The following QRICH1 variants were observed in gnomAD, a reference collection of about 807,000 sequenced individuals.
QRICH1 encodes transcriptional regulator QRICH1.
QRICH1 carries 16 observed loss-of-function variants against 87.1 expected under a neutral mutation model. The observed-to-expected ratio is 0.18, with a 90% CI of 0.12 to 0.28. The LOEUF (loss-of-function observed/expected upper bound fraction) is 0.28. Ranked by LOEUF, QRICH1 falls within the 10% of genes least tolerant of loss-of-function variation. QRICH1 has a pLI of 1.00. For synonymous variants in QRICH1, 367 were observed against 368.4 expected (o/e 1.00, Z 0.05); for missense variants, 647 against 951.7 (o/e 0.68, Z 4.21).
chr3:49,030,716 C>CA, intron 9 of QRICH1, 72 bp from the exon 10 acceptor site: 1 of 1,323,926 alleles, frequency 7.6e-7, no homozygotes, highest in South Asian at 1.5e-5. Flanking sequence ...ACTTCCCAGA[C>CA]AGATGCTGTC....
chr3:49,087,583 A>G (rs2107040316), intron 1 of QRICH1, among the ~76,000 whole-genome samples: 1 of 151,598 alleles, frequency 6.6e-6, no homozygotes, highest in South Asian at 2.1e-4. Flanking sequence ...AAAAATAAAA[A>G]TAAAAAAATA....
chr3:49,056,805 G>A (rs926055112), intron 3 of QRICH1, 57 bp downstream of exon 3: 1 of 1,612,822 alleles, frequency 6.2e-7, no homozygotes, highest in Non-Finnish European at 8.5e-7. Flanking sequence ...CAAGCTCTGT[G>A]CTGCACTGGG....
At chr3:49,032,844 C>G in intron 7 of QRICH1, 71 bp from the exon 8 acceptor site, 1 of 1,507,774 alleles carries the variant, frequency 6.6e-7, no homozygotes, top group African/African-American at 1.4e-5. Flanking sequence ...CCTCTGCCCA[C>G]TGGTGCTTCA....
At chr3:49,090,286 C>G (rs1225869533) in intron 1 of QRICH1, among the ~76,000 whole-genome samples, 1 of 152,144 alleles carries the variant, frequency 6.6e-6, no homozygotes, top group African/African-American at 2.4e-5. Context: ...GGTGAAACCC[C>G]GTCTCTACTA....
intron 2 of QRICH1, among the ~76,000 whole-genome samples, chr3:49,064,411 TTTTG>T (rs1274984725): frequency 3.3e-5 from 5 of 151,918 alleles, no homozygotes; most frequent in South Asian, 2.1e-4. Flanking sequence ...CTGGCTGTTT[TTTTG>T]TTTGTTTTTG....
chr3:49,032,931 G>T, intron 7 of QRICH1, 158 bp from the exon 8 acceptor site: 2 of 1,010,032 alleles, frequency 2.0e-6, no homozygotes, highest in Non-Finnish European at 2.8e-6. Context: ...ACCACATCAA[G>T]ATGGATGGTA....
intron 1 of QRICH1, among the ~76,000 whole-genome samples, chr3:49,089,896 T>C (rs780840332): frequency 3.3e-5 from 5 of 152,254 alleles, no homozygotes; most frequent in Non-Finnish European, 5.9e-5. Flanking sequence ...TCAGAGATAC[T>C]GGCATCGTTT....
chr3:49,038,698 T>C (rs942590615), intron 6 of QRICH1, among the ~76,000 whole-genome samples: 1 of 152,208 alleles, frequency 6.6e-6, no homozygotes, highest in Non-Finnish European at 1.5e-5. Flanking sequence ...AATTCAGGCG[T>C]GAGCCACTGT....
At chr3:49,033,345 C>G in intron 6 of QRICH1, 117 bp from the exon 7 acceptor site, 2 of 548,302 alleles carry the variant, frequency 3.6e-6, no homozygotes, top group Non-Finnish European at 5.8e-6. Flanking sequence ...TCAGGGGACT[C>G]TCCCTAAAGT....
rs2093449993 is a variant in QRICH1, at chr3:49,063,861, A to G, written c.310-5971T>C. Among the ~76,000 whole-genome samples, 5 of 152,342 alleles carry G rather than the reference A, an allele frequency of 3.3e-5. No individual in the cohort carries two copies. The South Asian group carries it at 8.3e-4, about 25-fold the overall frequency. On this transcript the variant is annotated intron_variant, in intron 2 of 9. Coordinates refer to ENST00000395443, the MANE Select transcript of QRICH1 (RefSeq NM_198880.3). ...GAACTTGTTTACATAGGTTATATCTAGTAATATTTACTTGTACTCTAAATT... is the reference window on the plus strand; with the variant it reads ...GAACTTGTTTACATAGGTTATATCTGGTAATATTTACTTGTACTCTAAATT...
At position 49,047,157 on chromosome 3, in the gene QRICH1, T is replaced by C; in HGVS notation, c.1428A>G (p.Glu476=). 3 of 1,614,212 alleles carry C rather than the reference T, an allele frequency of 1.9e-6. No homozygotes were observed. Among genetic ancestry groups the C allele is most frequent in the Non-Finnish European group, 2.5e-6 (3 of 1,180,044 alleles). Residue 476 remains glutamate, a synonymous_variant, in exon 4 of 10, where the codon GAA becomes GAG. Coordinates refer to ENST00000395443, the MANE Select transcript of QRICH1 (RefSeq NM_198880.3). ...ELLLPNSLKP[E]EGLEVWKNWA... is the part of the protein sequence containing the mutation. ...AGTTTTTCCATACTTCAAGCCCTTC[T>C]TCTGGCTTCAAAGAATTTGGAAGCA...
At chr3:49,067,782 C>T (rs2106944614) in intron 2 of QRICH1, among the ~76,000 whole-genome samples, 1 of 152,066 alleles carries the variant, frequency 6.6e-6, no homozygotes, top group Middle Eastern at 3.4e-3. Context: ...AGATTGAGAC[C>T]ATCCTGGCCA....
chr3:49,048,764 G>A (rs1275141063), intron 3 of QRICH1, among the ~76,000 whole-genome samples: 1 of 138,062 alleles, frequency 7.2e-6, no homozygotes, highest in Non-Finnish European at 1.5e-5. Flanking sequence ...CTCCAGCCTG[G>A]GTAACAGAGT....
At chr3:49,062,762 C>G (rs2093442809) in intron 2 of QRICH1, among the ~76,000 whole-genome samples, 8 of 151,526 alleles carry the variant, frequency 5.3e-5, no homozygotes, top group Admixed American at 5.3e-4. Flanking sequence ...AATCCCAGCA[C>G]TTTGGGAGGC....
chr3:49,050,093 T>C (rs2093361373), intron 3 of QRICH1, among the ~76,000 whole-genome samples: 1 of 150,666 alleles, frequency 6.6e-6, no homozygotes, highest in South Asian at 2.1e-4. Context: ...TCCCAGCACT[T>C]TGGGAGGCCG....
At chr3:49,041,202 T>G (rs1007418136) in intron 6 of QRICH1, among the ~76,000 whole-genome samples, 1 of 152,082 alleles carries the variant, frequency 6.6e-6, no homozygotes, top group African/African-American at 2.4e-5. Context: ...ACTCCCGACC[T>G]CAAGTGATGC....
chr3:49,050,298 C>T (rs1439759186), intron 3 of QRICH1, among the ~76,000 whole-genome samples: 3 of 144,308 alleles, frequency 2.1e-5, no homozygotes, highest in Non-Finnish European at 4.5e-5. Flanking sequence ...TAGCACACGC[C>T]TGTAATCCCA....
intron 2 of QRICH1, among the ~76,000 whole-genome samples, chr3:49,067,266 G>A (rs2093473871): frequency 6.6e-6 from 1 of 152,068 alleles, no homozygotes; most frequent in Non-Finnish European, 1.5e-5. Flanking sequence ...AGGGGAATAA[G>A]AGTTAAGAGT....
chr3:49,065,596 G>C (rs2093463528), intron 2 of QRICH1, among the ~76,000 whole-genome samples: 1 of 152,106 alleles, frequency 6.6e-6, no homozygotes, highest in African/African-American at 2.4e-5. Context: ...AAGTGAAAAA[G>C]GCAAATTAAT....
Sources: gnomAD v4.1 joint callset for allele counts (sites outside exome capture counted in the v4.1 genomes callset) on GRCh38, gnomAD v4.1.1 for gene constraint, MANE v1.5 for transcripts, NCBI Gene and HGNC (gene_info 2026-07-23, HGNC 2026-07-21) for gene names.